KIAA1217: variants seen among roughly 807,000 people sequenced by gnomAD.
KIAA1217 encodes the protein KIAA1217.
Under a neutral mutation model 163.9 loss-of-function variants are expected in KIAA1217, and 88 were observed. The ratio of observed to expected loss-of-function variants is 0.54; its 90% CI spans 0.45 to 0.64. KIAA1217 has a LOEUF of 0.64. Ranked by LOEUF, KIAA1217 falls within the 30% of genes least tolerant of loss-of-function variation. The pLI, the probability that KIAA1217 is intolerant of heterozygous loss-of-function variation, is 0.00. For missense variants in KIAA1217, 2,372 were observed against 2,475.0 expected, an observed-to-expected ratio of 0.96 and a Z score of 0.88; for synonymous variants, 903 against 923.1, an observed-to-expected ratio of 0.98 and a Z score of 0.39.
At position 23,863,308 on chromosome 10, in the gene KIAA1217, G is replaced by T. The variant is rs76987497; in HGVS notation, c.-320-143917G>T. On this transcript the variant is annotated intron_variant, in intron 1 of 18. Transcript: ENST00000376462. Reference sequence around the variant, plus strand: ...TTGCTCTTCCTCCATTAGTGGCATCGCTACCTGCTATGGTTTGAATGTGTC... The same window carrying T: ...TTGCTCTTCCTCCATTAGTGGCATCTCTACCTGCTATGGTTTGAATGTGTC... 6.4e-4 allele frequency among the ~76,000 whole-genome samples: 97 copies of T among 152,250 alleles called. No individual in the cohort carries two copies. The East Asian group carries it at 0.016, about 25-fold the overall frequency.
chr10:24,112,741 T>A (rs950723862), intron 2 of KIAA1217, among the ~76,000 whole-genome samples: 4 of 151,684 alleles, frequency 2.6e-5, no homozygotes, highest in Non-Finnish European at 5.9e-5. Flanking sequence ...CTCGCCCCCA[T>A]GCCCGGCCAA....
At chr10:24,542,590 C>T in intron 17 of KIAA1217, 103 bp from the exon 18 acceptor site, 1 of 1,561,316 alleles carries the variant, frequency 6.4e-7, no homozygotes, top group Admixed American at 1.8e-5. Flanking sequence ...TATGCGTGGC[C>T]CGCATGTCTT....
intron 1 of KIAA1217, among the ~76,000 whole-genome samples, chr10:23,942,393 C>CTA (rs919547159): frequency 6.6e-6 from 1 of 152,124 alleles, no homozygotes; most frequent in African/African-American, 2.4e-5. Context: ...AAAGTGAAAA[C>CTA]TATAACAACA....
chr10:23,813,943 T>C (rs1837194871), intron 1 of KIAA1217, among the ~76,000 whole-genome samples: 1 of 152,178 alleles, frequency 6.6e-6, no homozygotes, highest in Admixed American at 6.5e-5. Context: ...ATTTACTTAA[T>C]GCTGAGCCCG....
intron 12 of KIAA1217, 150 bp downstream of exon 12, chr10:24,522,079 C>T: frequency 1.2e-6 from 1 of 816,416 alleles, no homozygotes; most frequent in Non-Finnish European, 1.8e-6. Flanking sequence ...CACCCTTGAA[C>T]TTTTATTGCA....
intron 2 of KIAA1217, among the ~76,000 whole-genome samples, chr10:24,361,403 G>T (rs1038982623): frequency 6.6e-6 from 1 of 152,078 alleles, no homozygotes; most frequent in African/African-American, 2.4e-5. Context: ...GCGCAGGCTG[G>T]CCTTGAGCTC....
chr10:23,863,441 C>G (rs767256881), intron 1 of KIAA1217, among the ~76,000 whole-genome samples: 2 of 152,120 alleles, frequency 1.3e-5, no homozygotes, highest in African/African-American at 2.4e-5. Flanking sequence ...AAGACCCTTT[C>G]AAAAGAGGCT....
In KIAA1217 at chr10:24,456,152, C is replaced by T. The variant is rs907678813; in HGVS notation, c.847-17076C>T. Among the ~76,000 whole-genome samples the T allele has an allele frequency of 2.6e-4, 40 of 152,222 alleles. 1 individual carries two copies. Among genetic ancestry groups the T allele is most frequent in the Admixed American group, 2.6e-3 (39 of 15,284 alleles). ...CCACCAGCCTCGGCCTCCCAAAGTG[C>T]TGGGACTACAGGCGTGAGCCACCAT... On this transcript the variant is annotated intron_variant, in intron 5 of 20. Transcript: ENST00000376454.
At chr10:24,107,040 T>A (rs1383456280) in intron 2 of KIAA1217, among the ~76,000 whole-genome samples, 1 of 152,190 alleles carries the variant, frequency 6.6e-6, no homozygotes, top group Non-Finnish European at 1.5e-5. Context: ...CCTCCCAGCC[T>A]CCACCCTCAA....
chr10:23,901,461 A>G (rs1416922647), intron 1 of KIAA1217, among the ~76,000 whole-genome samples: 2 of 152,158 alleles, frequency 1.3e-5, no homozygotes, highest in Non-Finnish European at 1.5e-5. Context: ...GCCTGTGGCC[A>G]AGAACACAAC....
At chr10:24,294,187 C>CAAA (rs371110913) in intron 2 of KIAA1217, among the ~76,000 whole-genome samples, 2,038 of 54,768 alleles carry the variant, frequency 0.037, 445 homozygotes, top group Middle Eastern at 0.16. Context: ...GACTCCGTCT[C>CAAA]AAAAAAAAAA....
At chr10:23,844,903 G>A (rs928183611) in intron 1 of KIAA1217, among the ~76,000 whole-genome samples, 6 of 151,842 alleles carry the variant, frequency 4.0e-5, no homozygotes, top group East Asian at 1.9e-4. Context: ...CCCGCACCTC[G>A]ACAGGCCCAG....
chr10:23,712,387 T>G (rs1564358901), intron 1 of KIAA1217, among the ~76,000 whole-genome samples: 1 of 151,752 alleles, frequency 6.6e-6, no homozygotes, highest in Non-Finnish European at 1.5e-5. Context: ...AGCCAAGATG[T>G]TCATTGACTT....
chr10:24,036,878 C>T (rs947937084), intron 2 of KIAA1217, among the ~76,000 whole-genome samples: 2 of 152,196 alleles, frequency 1.3e-5, no homozygotes, highest in African/African-American at 2.4e-5. Flanking sequence ...CACATCCAAA[C>T]TAAATCAACA....
chr10:24,366,215 C>G (rs1424453855), intron 2 of KIAA1217, among the ~76,000 whole-genome samples: 1 of 152,094 alleles, frequency 6.6e-6, no homozygotes, highest in Non-Finnish European at 1.5e-5. Context: ...GAGGCCGAAG[C>G]AGGCAGATCA....
chr10:24,205,401 C>G (rs996239028), upstream of KIAA1217, among the ~76,000 whole-genome samples: 1 of 150,998 alleles, frequency 6.6e-6, no homozygotes, highest in Non-Finnish European at 1.5e-5. Flanking sequence ...CTTGAACCCT[C>G]GAGGCAGAGG....
At chr10:24,359,190 AGTGATTCTC>A (rs1017137951) in intron 2 of KIAA1217, among the ~76,000 whole-genome samples, 2 of 149,880 alleles carry the variant, frequency 1.3e-5, no homozygotes, top group Non-Finnish European at 3.0e-5. Flanking sequence ...CCTAAGCTCA[AGTGATTCTC>A]GTGCCTCAGC....
At chr10:24,077,369 GTGT>G (rs1158750254) in intron 2 of KIAA1217, among the ~76,000 whole-genome samples, 1 of 152,084 alleles carries the variant, frequency 6.6e-6, no homozygotes, top group Non-Finnish European at 1.5e-5. Context: ...GCCCCAGTGT[GTGT>G]TGTTACCTAC....
intron 1 of KIAA1217, among the ~76,000 whole-genome samples, chr10:23,757,163 T>C (rs534751386): frequency 1.3e-5 from 2 of 152,352 alleles, no homozygotes; most frequent in East Asian, 3.9e-4. Flanking sequence ...GTTATTGCGA[T>C]TAATGCTTCT....
Sources: gnomAD v4.1 joint callset for allele counts (sites outside exome capture counted in the v4.1 genomes callset) on GRCh38, gnomAD v4.1.1 for gene constraint, MANE v1.5 for transcripts, NCBI Gene and HGNC (gene_info 2026-07-23, HGNC 2026-07-21) for gene names.